The following PPARGC1A variants were observed in gnomAD, a reference collection of about 807,000 sequenced individuals.
PPARGC1A encodes the protein peroxisome proliferator-activated receptor gamma coactivator 1-alpha.
In PPARGC1A, 25 loss-of-function variants were observed where a neutral mutation model predicts 88.7. The observed-to-expected ratio is 0.28, with a 90% confidence interval of 0.21 to 0.39. PPARGC1A has a LOEUF of 0.39. PPARGC1A is among the 10% of genes least tolerant of loss of function. The probability of loss-of-function intolerance (pLI) is 1.00; values close to 1 mark genes in which losing one functional copy is unlikely to be tolerated. For synonymous variants in PPARGC1A, 363 were observed against 355.6 expected (o/e 1.02, Z -0.24); for missense variants, 880 against 968.7 (o/e 0.91, Z 1.22).
chr4:24,393,918 A>C, the PPARGC1A span, among the ~76,000 whole-genome samples: 1 of 152,206 alleles, frequency 6.6e-6, no homozygotes, highest in East Asian at 1.9e-4. Context: ...CAGGAGTTTG[A>C]GACCAGCCTG....
At chr4:24,139,865 G>A in the PPARGC1A span, among the ~76,000 whole-genome samples, 3 of 152,202 alleles carry the variant, frequency 2.0e-5, no homozygotes, top group African/African-American at 7.2e-5. Flanking sequence ...TAAAGCTCTA[G>A]TCCATTACGG....
At chr4:23,969,136 ACACAGCTACTT>A in the PPARGC1A span, among the ~76,000 whole-genome samples, 9 of 152,200 alleles carry the variant, frequency 5.9e-5, no homozygotes, top group Admixed American at 2.0e-4. Context: ...GTCTGAAGCC[ACACAGCTACTT>A]CATGGTCAAT....
intron 2 of PPARGC1A, among the ~76,000 whole-genome samples, chr4:23,877,255 G>A (rs553198371): frequency 3.3e-5 from 5 of 149,546 alleles, no homozygotes; most frequent in Admixed American, 1.4e-4. Flanking sequence ...AGTGGCTCAC[G>A]CCTGTAATCC....
the PPARGC1A span, among the ~76,000 whole-genome samples, chr4:23,919,245 C>G: frequency 6.6e-6 from 1 of 152,112 alleles, no homozygotes; most frequent in South Asian, 2.1e-4. Context: ...AATGTTTATA[C>G]TAGTCCTTAT....
rs538076374 is a variant in PPARGC1A at position 23,889,053 on chromosome 4, C to T, written c.54+851G>A. On this transcript the variant is annotated intron_variant, in intron 1 of 12. Coordinates refer to ENST00000264867, the MANE Select transcript of PPARGC1A (RefSeq NM_013261.5). ...AGGTCCTCCGTCCCCCCACTAGACTCCAGAGATTACGAGGAAACTGCTTGC... is the reference window on the plus strand; with the variant it reads ...AGGTCCTCCGTCCCCCCACTAGACTTCAGAGATTACGAGGAAACTGCTTGC... 10 of 985,372 alleles carry T rather than the reference C, an allele frequency of 1.0e-5. No homozygotes were observed. The South Asian group carries it at 4.2e-4, about 42-fold the overall frequency. The allele number at this position is 985,372 out of a possible 1,614,324, so 61.0% of individuals were successfully genotyped here. A position where few individuals can be genotyped will look rare whatever the true frequency, so the allele number is the denominator to read the frequency against.
the PPARGC1A span, among the ~76,000 whole-genome samples, chr4:23,914,006 T>C: frequency 9.2e-5 from 14 of 152,360 alleles, no homozygotes; most frequent in South Asian, 6.2e-4. Flanking sequence ...ATTAATGTTA[T>C]GTACTGGAGT....
chr4:24,117,682 C>A, the PPARGC1A span, among the ~76,000 whole-genome samples: 1 of 151,648 alleles, frequency 6.6e-6, no homozygotes, highest in Non-Finnish European at 1.5e-5. Flanking sequence ...TAATATCTGC[C>A]GCTTGATATG....
At chr4:24,140,795 A>G in the PPARGC1A span, among the ~76,000 whole-genome samples, 2 of 152,126 alleles carry the variant, frequency 1.3e-5, no homozygotes, top group Non-Finnish European at 2.9e-5. Flanking sequence ...GCTCCTGATG[A>G]ATGTGCTTAT....
At chr4:24,273,697 C>T in the PPARGC1A span, among the ~76,000 whole-genome samples, 119 of 149,380 alleles carry the variant, frequency 8.0e-4, 1 homozygote, top group Admixed American at 2.5e-3. Flanking sequence ...GGACGAGACT[C>T]TAAAATAGCT....
At chr4:24,205,541 T>C in the PPARGC1A span, among the ~76,000 whole-genome samples, 3 of 152,148 alleles carry the variant, frequency 2.0e-5, no homozygotes, top group Non-Finnish European at 4.4e-5. Context: ...AGAGAATTTG[T>C]TATAAAAATT....
At chr4:23,897,471 A>C (rs1351826055) in intron 1 of PPARGC1A, among the ~76,000 whole-genome samples, 3 of 152,194 alleles carry the variant, frequency 2.0e-5, no homozygotes, top group Non-Finnish European at 4.4e-5. Flanking sequence ...ATCTGTCAAC[A>C]AAGATGGCCG....
the PPARGC1A span, among the ~76,000 whole-genome samples, chr4:24,265,261 T>C: frequency 6.6e-6 from 1 of 152,212 alleles, no homozygotes; most frequent in Non-Finnish European, 1.5e-5. Context: ...GAAAGCCTAG[T>C]ACCAGTGTTT....
the PPARGC1A span, among the ~76,000 whole-genome samples, chr4:23,947,057 TTC>T: frequency 2.0e-5 from 3 of 152,006 alleles, no homozygotes; most frequent in Non-Finnish European, 2.9e-5. Flanking sequence ...AATGTGACAA[TTC>T]TCTGTCTTAC....
At chr4:24,393,548 G>A in the PPARGC1A span, among the ~76,000 whole-genome samples, 6 of 152,208 alleles carry the variant, frequency 3.9e-5, no homozygotes, top group Non-Finnish European at 8.8e-5. Context: ...TCTCACTAGA[G>A]GGATCAGGGA....
the PPARGC1A span, among the ~76,000 whole-genome samples, chr4:23,948,343 G>C: frequency 6.6e-6 from 1 of 152,070 alleles, no homozygotes; most frequent in Non-Finnish European, 1.5e-5. Context: ...AGAAAGGAGG[G>C]AGCAGGAGGG....
chr4:24,344,720 G>C, the PPARGC1A span, among the ~76,000 whole-genome samples: 1 of 151,972 alleles, frequency 6.6e-6, no homozygotes, highest in South Asian at 2.1e-4. Context: ...TTACTCTGCT[G>C]ACTCTTCCTT....
chr4:24,299,175 G>A, the PPARGC1A span, among the ~76,000 whole-genome samples: 5 of 152,126 alleles, frequency 3.3e-5, no homozygotes, highest in Non-Finnish European at 7.4e-5. Context: ...AAAATTTTAT[G>A]CTCTTTATTA....
At chr4:24,027,557 G>A in the PPARGC1A span, among the ~76,000 whole-genome samples, 3 of 152,180 alleles carry the variant, frequency 2.0e-5, no homozygotes, top group East Asian at 5.8e-4. Context: ...AAAACAGTGT[G>A]GGATGCAACC....
At position 23,813,913 on chromosome 4, in the gene PPARGC1A, G is replaced by C. The variant is rs1325967969; in HGVS notation, c.1570C>G (p.Pro524Ala). 6.2e-7 allele frequency: 1 copy of C among 1,613,856 alleles called. No individual in the cohort carries two copies. Among genetic ancestry groups the C allele is most frequent in the Admixed American group, 1.7e-5 (1 of 60,012 alleles). Reference sequence around the variant, plus strand: ...GAATAGGATTGCGTGCCATCCCAAGGGTAGCTCAGTTTATCACTTTCATCT... The same window carrying C: ...GAATAGGATTGCGTGCCATCCCAAGCGTAGCTCAGTTTATCACTTTCATCT... ...SEDESDKLSYPWDGTQSYSLF... is the reference protein window; with the variant it reads ...SEDESDKLSYAWDGTQSYSLF... The change falls in exon 8 of 13, where the codon CCT becomes GCT. Residue 524 changes from proline to alanine, a missense_variant. Physicochemically the swap from Pro to Ala is conservative, Grantham distance 27. Coordinates refer to ENST00000264867, the MANE Select transcript of PPARGC1A (RefSeq NM_013261.5).
Sources: allele counts gnomAD v4.1 joint callset (sites outside exome capture counted in the v4.1 genomes callset), GRCh38; gene constraint gnomAD v4.1.1; transcripts MANE v1.5; gene names NCBI Gene and HGNC (gene_info 2026-07-23, HGNC 2026-07-21).